PRDM8: variants seen among roughly 807,000 people sequenced by gnomAD.
The protein encoded by PRDM8 is PR/SET domain 8, also known as PR domain zinc finger protein 8.
Under a neutral mutation model 46.5 loss-of-function variants are expected in PRDM8, and 13 were observed. The ratio of observed to expected loss-of-function variants is 0.28; its 90% CI spans 0.18 to 0.44. The LOEUF is 0.44. PRDM8 is among the 20% of genes least tolerant of loss of function. The pLI is 1.00. For missense variants in PRDM8, 998 were observed against 955.0 expected (o/e 1.04, Z -0.59); for synonymous variants, 473 against 438.4 (o/e 1.08, Z -0.98).
rs184208058 is a variant in PRDM8 at position 80,197,653 on chromosome 4, A to T, written c.-113A>T. Reference sequence around the variant, plus strand: ...GAGCCTAAAAGGCGGCAACACCAACACCTCTTGACATGGAAATACACTGAT... The same window carrying T: ...GAGCCTAAAAGGCGGCAACACCAACTCCTCTTGACATGGAAATACACTGAT... On this transcript the variant is annotated 5_prime_UTR_variant, in exon 1 of 4. Transcript: ENST00000415738. 6.1e-6 allele frequency: 6 copies of T among 981,758 alleles called. No individual in the cohort carries two copies. In the African/African-American group the frequency reaches 1.1e-4, roughly 17 times the overall value. 60.8% of individuals were successfully genotyped at this position (981,758 alleles called of 1,614,324 possible).
intron 3 of PRDM8, 44 bp downstream of exon 3, chr4:80,201,565 G>A (rs919911888): frequency 6.3e-7 from 1 of 1,581,408 alleles, no homozygotes; most frequent in Non-Finnish European, 8.7e-7. Context: ...AACTAGCGGG[G>A]GAGAGACGCA....
At position 80,202,757 on chromosome 4, in the gene PRDM8, G is replaced by A. The variant is rs1334350728; in HGVS notation, c.1295G>A (p.Gly432Asp). 7.8e-7 allele frequency: 1 copy of A among 1,275,980 alleles called. No homozygotes were observed. The highest frequency in any genetic ancestry group is 2.9e-5 in the South Asian group (1 of 35,030). 79.0% of individuals were successfully genotyped at this position (1,275,980 alleles called of 1,614,324 possible). The change falls in exon 4 of 4, where the codon GGC becomes GAC. Residue 432 changes from glycine (G) to aspartate (D), a missense_variant. Coordinates refer to ENST00000415738, the MANE Select transcript of PRDM8 (RefSeq NM_001099403.2). Reference sequence around the variant, plus strand: ...ACGCCCGCGGCCGCGTCACCGGTGGGCGCCGAGAAGCTGCTGGCCCCGCGG... The same window carrying A: ...ACGCCCGCGGCCGCGTCACCGGTGGACGCCGAGAAGCTGCTGGCCCCGCGG... ...SSTPAAASPV[G>D]AEKLLAPRPG...
upstream of PRDM8, chr4:80,197,375 T>G: frequency 1.0e-6 from 1 of 973,750 alleles, no homozygotes; most frequent in South Asian, 4.8e-5. Flanking sequence ...GGGAAAAAGC[T>G]GCGAGGCAGG....
intron 1 of PRDM8, 24 bp from the exon 2 acceptor site, chr4:80,200,055 C>T (rs1389710046): frequency 6.3e-7 from 1 of 1,582,984 alleles, no homozygotes; most frequent in Non-Finnish European, 8.7e-7. Context: ...AACTCACTTT[C>T]TTGTGCTGTG....
upstream of PRDM8, chr4:80,196,940 C>T (rs369339573): frequency 3.0e-6 from 3 of 985,336 alleles, no homozygotes; most frequent in Admixed American, 6.1e-5. Context: ...CTCACCAAAG[C>T]GCATCCTTTC....
rs1246072422 is a variant in PRDM8, at chr4:80,204,144, A to G, written c.*612A>G. The stretch of plus-strand genomic sequence containing the variant: ...TATAATGAAATGATAATGGACTTCA[A>G]TGAAGAATGTCATCAATTATGTACA... On this transcript the variant is annotated 3_prime_UTR_variant, in exon 4 of 4. Coordinates refer to ENST00000415738, the MANE Select transcript of PRDM8 (RefSeq NM_001099403.2). 1 of 152,696 alleles carries G rather than the reference A, an allele frequency of 6.5e-6. No homozygotes were observed. Among genetic ancestry groups the G allele is most frequent in the Non-Finnish European group, 1.5e-5 (1 of 68,052 alleles). 9.5% of individuals were successfully genotyped at this position (152,696 alleles called of 1,614,324 possible).
At chr4:80,189,139 TC>T (rs769585544) in intron 1 of PRDM8, among the ~76,000 whole-genome samples, 1 of 152,170 alleles carries the variant, frequency 6.6e-6, no homozygotes, top group African/African-American at 2.4e-5. Context: ...GGAAGCCCGG[TC>T]CCCAGGTTTC....
intron 1 of PRDM8, among the ~76,000 whole-genome samples, chr4:80,191,177 T>C (rs1379481230): frequency 6.6e-6 from 1 of 152,204 alleles, no homozygotes; most frequent in African/African-American, 2.4e-5. Flanking sequence ...TCCTAAAACT[T>C]ATTTTTAATT....
At chr4:80,198,708 T>C (rs1049139818) in intron 1 of PRDM8, among the ~76,000 whole-genome samples, 14 of 152,144 alleles carry the variant, frequency 9.2e-5, no homozygotes, top group African/African-American at 3.4e-4. Flanking sequence ...AAGCACACCT[T>C]GTAATCACAC....
chr4:80,186,199 G>C (rs565074534), intron 1 of PRDM8, among the ~76,000 whole-genome samples: 12 of 152,200 alleles, frequency 7.9e-5, no homozygotes, highest in Admixed American at 4.6e-4. Flanking sequence ...GGAAGGATGG[G>C]GTAGGATAAG....
intron 2 of PRDM8, 129 bp from the exon 3 acceptor site, chr4:80,201,161 G>A (rs1442569430): frequency 1.2e-6 from 1 of 840,916 alleles, no homozygotes; most frequent in Non-Finnish European, 1.9e-6. Context: ...TTTTGGAAGC[G>A]TGGTCTCAGA....
At chr4:80,200,407 T>C (rs1248583959) in intron 2 of PRDM8, 108 bp downstream of exon 2, 2 of 940,780 alleles carry the variant, frequency 2.1e-6, no homozygotes, top group Non-Finnish European at 3.2e-6. Flanking sequence ...TGTGGAAAAA[T>C]GCAATAATGC....
intron 1 of PRDM8, among the ~76,000 whole-genome samples, 155 bp downstream of exon 1, chr4:80,197,918 A>G (rs1738088288): frequency 6.6e-6 from 1 of 152,212 alleles, no homozygotes. Context: ...GTACAAAAGG[A>G]GGAGCGGGTG....
intron 1 of PRDM8, among the ~76,000 whole-genome samples, chr4:80,187,714 C>T (rs1001276014): frequency 6.6e-6 from 1 of 152,164 alleles, no homozygotes; most frequent in Admixed American, 6.5e-5. Flanking sequence ...TCTCTATATG[C>T]AGGGGGATGC....
In PRDM8 at chr4:80,203,747, C is replaced by CG. The variant is rs1738777419; in HGVS notation, c.*215_*216insG. 1 of 416,244 alleles carries CG rather than the reference C, an allele frequency of 2.4e-6. No individual in the cohort carries two copies. Among genetic ancestry groups the CG allele is most frequent in the South Asian group, 2.5e-5 (1 of 39,362 alleles). 25.8% of individuals were successfully genotyped at this position (416,244 alleles called of 1,614,324 possible). A position where few individuals can be genotyped will look rare whatever the true frequency, so the allele number is the denominator to read the frequency against. On this transcript the variant is annotated 3_prime_UTR_variant, in exon 4 of 4. Coordinates refer to ENST00000415738, the MANE Select transcript of PRDM8 (RefSeq NM_001099403.2). The stretch of plus-strand genomic sequence containing the variant: ...TTTACCCGGGACACACACCCCCCCC[C>CG]ACACACACACACAGACACACTCACA...
At chr4:80,198,980 GTTTTTTTTTT>G (rs1413112507) in intron 1 of PRDM8, among the ~76,000 whole-genome samples, 3 of 104,188 alleles carry the variant, frequency 2.9e-5, no homozygotes, top group Non-Finnish European at 5.6e-5. Flanking sequence ...GTTTTTTTGG[GTTTTTTTTTT>G]TTTGTTTTTT....
Position 80,200,244 on chromosome 4 carries a change from T to A in PRDM8, c.164T>A (p.Ile55Lys), listed in dbSNP as rs762557383. 7.1e-5 allele frequency: 115 copies of A among 1,614,028 alleles called. No individual in the cohort carries two copies. The highest frequency in any genetic ancestry group is 8.8e-5 in the Non-Finnish European group (104 of 1,179,992). ...AGCCATACTTCCCTATATGACAGCATAGCTTTCATAGCTCTCAAGTCTACT... is the reference window on the plus strand; with the variant it reads ...AGCCATACTTCCCTATATGACAGCAAAGCTTTCATAGCTCTCAAGTCTACT... ...VLSHTSLYDS[I>K]AFIALKSTDK... is the part of the protein sequence containing the mutation. Residue 55 changes from isoleucine to lysine, a missense_variant, in exon 2 of 4, where the codon ATA becomes AAA. Physicochemically the swap from Ile to Lys is moderately radical, Grantham distance 102 (BLOSUM62 -3). Coordinates refer to ENST00000415738, the MANE Select transcript of PRDM8 (RefSeq NM_001099403.2).
rs1306969095 is a variant in PRDM8 at position 80,186,484 on chromosome 4, TC to T, written c.-983+969del. ...GATTGTCAAGATCAGATCAGTTAACTCCCTGGCCAAAGAGGAAAGTTGCTAA... is the reference window on the plus strand; with the variant it reads ...GATTGTCAAGATCAGATCAGTTAACTCCTGGCCAAAGAGGAAAGTTGCTAA... On this transcript the variant is annotated intron_variant, in intron 1 of 9. Transcript: ENST00000339711. Among the ~76,000 whole-genome samples, 3 of 134,734 alleles carry T rather than the reference TC, an allele frequency of 2.2e-5. No individual in the cohort carries two copies. In the Admixed American group the frequency reaches 2.3e-4, roughly 10 times the overall value. 88.4% of individuals were successfully genotyped at this position (134,734 alleles called of 152,430 possible).
At position 80,202,323 on chromosome 4, in the gene PRDM8, C is replaced by A. The variant is rs768031665; in HGVS notation, c.861C>A (p.Ser287Arg). Residue 287 changes from serine (S) to arginine (R), a missense_variant, in exon 4 of 4, where the codon AGC becomes AGA. By Grantham distance (110) the Ser-to-Arg change is moderately radical. Transcript: ENST00000415738. ...CAGCCCAGAGCCTCAGCAGCGGTAG[C>A]GGCAGCGGCGGCGGCGGCGGCCACC... The part of the protein sequence containing the change: ...CSPAQSLSSG[S>R]GSGGGGGHQE... 6.2e-7 allele frequency: 1 copy of A among 1,607,058 alleles called. No individual in the cohort carries two copies.
Sources: gnomAD v4.1 joint callset for allele counts (sites outside exome capture counted in the v4.1 genomes callset) on GRCh38, gnomAD v4.1.1 for gene constraint, MANE v1.5 for transcripts, NCBI Gene and HGNC (gene_info 2026-07-23, HGNC 2026-07-21) for gene names.